Variants in IL13RA1 observed in about 807,000 individuals in gnomAD.
IL13RA1 encodes the protein interleukin-13 receptor subunit alpha-1.
A neutral mutation model predicts 33.8 loss-of-function variants in IL13RA1; 14 were observed. That is an observed-to-expected ratio of 0.41 (90% CI 0.27 to 0.65). The LOEUF (loss-of-function observed/expected upper bound fraction) is 0.65, where lower values mean the gene tolerates loss of function less well. IL13RA1 is among the 30% of genes least tolerant of loss of function. The pLI, the probability that IL13RA1 is intolerant of heterozygous loss-of-function variation, is 0.28. For synonymous variants in IL13RA1, 116 were observed against 115.7 expected (o/e 1.00, Z -0.02); for missense variants, 313 against 327.0 (o/e 0.96, Z 0.33).
At chrX:118,784,077 CAAAAAA>C (rs376419026) in intron 10 of IL13RA1, among the ~76,000 whole-genome samples, 1 of 25,342 alleles carries the variant, frequency 3.9e-5, no homozygotes, top group African/African-American at 2.0e-4. Context: ...ACTCTGTCGC[CAAAAAA>C]AAAAAAAATA....
At chrX:118,788,811 C>T (rs1328837782) in intron 10 of IL13RA1, among the ~76,000 whole-genome samples, 1 of 111,504 alleles carries the variant, frequency 9.0e-6, no homozygotes, top group Non-Finnish European at 1.9e-5. Context: ...TGTTACAAGC[C>T]AAATTGCATG....
intron 2 of IL13RA1, among the ~76,000 whole-genome samples, 183 bp from the exon 3 acceptor site, chrX:118,746,771 C>T (rs2017409532): frequency 9.1e-6 from 1 of 110,048 alleles, no homozygotes; most frequent in Non-Finnish European, 1.9e-5. Context: ...AAAAAGTGTT[C>T]GATATTACCA....
At chrX:118,775,732 G>C (rs1436700578) in intron 9 of IL13RA1, among the ~76,000 whole-genome samples, 1 of 111,511 alleles carries the variant, frequency 9.0e-6, no homozygotes, top group Non-Finnish European at 1.9e-5. Context: ...TACTGAGACA[G>C]AGAAGGCTGT....
chrX:118,732,198 A>G (rs1359775835), intron 1 of IL13RA1, among the ~76,000 whole-genome samples: 2 of 110,717 alleles, frequency 1.8e-5, no homozygotes, highest in African/African-American at 6.6e-5. Flanking sequence ...CCATTAAACA[A>G]TAACTCCTCA....
intron 10 of IL13RA1, among the ~76,000 whole-genome samples, chrX:118,782,015 C>G (rs2017848784): frequency 8.9e-6 from 1 of 112,043 alleles, no homozygotes; most frequent in Non-Finnish European, 1.9e-5. Context: ...CAGTAATTTC[C>G]TTAGGGGTTG....
intron 4 of IL13RA1, among the ~76,000 whole-genome samples, chrX:118,757,015 C>G (rs952674786): frequency 3.1e-4 from 35 of 111,287 alleles, no homozygotes; most frequent in African/African-American, 1.1e-3. Context: ...AGTAGTCCTC[C>G]TACTCCCCCT....
At chrX:118,797,997 T>C (rs137870924), downstream of IL13RA1, among the ~76,000 whole-genome samples, 491 of 112,132 alleles carry the variant, frequency 4.4e-3, 6 homozygotes, top group Admixed American at 0.041. Flanking sequence ...ATATAATATG[T>C]TTGTGTTATT....
intron 10 of IL13RA1, among the ~76,000 whole-genome samples, chrX:118,789,037 A>G (rs1254480282): frequency 8.9e-6 from 1 of 112,284 alleles, no homozygotes; most frequent in Non-Finnish European, 1.9e-5. Context: ...AAGCTGAAAC[A>G]CTTCTGGTCC....
At chrX:118,794,644 T>C (rs1034210627), downstream of IL13RA1, 3 of 112,241 alleles carry the variant, frequency 2.7e-5, no homozygotes, top group Non-Finnish European at 5.6e-5. Context: ...TTTTATCTTA[T>C]AATCATTCAT....
At chrX:118,770,877 A>G (rs889878163) in intron 8 of IL13RA1, 3 of 259,427 alleles carry the variant, frequency 1.2e-5, no homozygotes, top group Non-Finnish European at 2.2e-5. Flanking sequence ...CAGCTTTCCA[A>G]CGACCCTTCC....
chrX:118,751,381 A>G (rs1407942153), intron 4 of IL13RA1, among the ~76,000 whole-genome samples: 1 of 112,122 alleles, frequency 8.9e-6, no homozygotes, highest in South Asian at 3.7e-4. Context: ...TCTCTCCTAA[A>G]GCTCAAAATA....
chrX:118,729,058 G>A (rs1227640089), intron 1 of IL13RA1, among the ~76,000 whole-genome samples: 1 of 111,700 alleles, frequency 9.0e-6, no homozygotes, highest in Non-Finnish European at 1.9e-5. Context: ...AGAGTGTATA[G>A]CAAAATTCTT....
intron 6 of IL13RA1, among the ~76,000 whole-genome samples, chrX:118,764,284 T>C (rs1343585909): frequency 9.6e-6 from 1 of 104,475 alleles, no homozygotes; most frequent in East Asian, 3.0e-4. Context: ...GGATTTACAT[T>C]TGAACAAGAG....
chrX:118,785,460 T>C (rs1271045743), intron 10 of IL13RA1, among the ~76,000 whole-genome samples: 3 of 112,174 alleles, frequency 2.7e-5, no homozygotes, highest in African/African-American at 9.7e-5. Context: ...TGTTAAAAAA[T>C]CCTACTTTTT....
intron 10 of IL13RA1, among the ~76,000 whole-genome samples, chrX:118,785,345 T>G (rs1390617923): frequency 9.0e-6 from 1 of 111,180 alleles, no homozygotes; most frequent in East Asian, 2.8e-4. Flanking sequence ...TTCCCCCACC[T>G]GGAACTTCCA....
intron 7 of IL13RA1, 47 bp downstream of exon 7, chrX:118,766,624 TG>T (rs1479404660): frequency 2.8e-6 from 2 of 725,352 alleles, no homozygotes; most frequent in East Asian, 3.2e-5. Flanking sequence ...TTAGAGCAGT[TG>T]GGGGTGGAGC....
intron 10 of IL13RA1, among the ~76,000 whole-genome samples, chrX:118,787,907 A>G (rs992785732): frequency 8.9e-6 from 1 of 111,763 alleles, no homozygotes; most frequent in African/African-American, 3.3e-5. Context: ...CTTTATGAAC[A>G]ATTTGTGCAG....
At chrX:118,748,925 G>C (rs2017440493) in intron 3 of IL13RA1, among the ~76,000 whole-genome samples, 1 of 111,018 alleles carries the variant, frequency 9.0e-6, no homozygotes, top group Non-Finnish European at 1.9e-5. Context: ...TTGTTTGTTT[G>C]TTTATTTAGA....
At chrX:118,762,596 T>C (rs1358689692) in intron 6 of IL13RA1, among the ~76,000 whole-genome samples, 1 of 111,406 alleles carries the variant, frequency 9.0e-6, no homozygotes, top group Non-Finnish European at 1.9e-5. Flanking sequence ...CAGCAAATGC[T>C]CTTCTGGGCA....
Sources: gnomAD v4.1 joint callset for allele counts (sites outside exome capture counted in the v4.1 genomes callset) on GRCh38, gnomAD v4.1.1 for gene constraint, MANE v1.5 for transcripts, NCBI Gene and HGNC (gene_info 2026-07-23, HGNC 2026-07-21) for gene names.